The following MEGF9 variants were observed in gnomAD, a reference collection of about 807,000 sequenced individuals.
MEGF9 encodes the protein multiple EGF like domains 9.
In MEGF9, 6 loss-of-function variants were observed where a neutral mutation model predicts 46.8. The ratio of observed to expected loss-of-function variants is 0.13; its 90% CI spans 0.07 to 0.25. MEGF9 has a LOEUF of 0.25. Among genes scored for constraint, MEGF9 ranks in the 10% least tolerant of loss-of-function variants. The pLI, the probability that MEGF9 is intolerant of heterozygous loss-of-function variation, is 1.00. For missense variants in MEGF9, 683 were observed against 792.4 expected, an observed-to-expected ratio of 0.86 and a Z score of 1.66; for synonymous variants, 302 against 330.7, an observed-to-expected ratio of 0.91 and a Z score of 0.94.
At chr9:120,611,242 A>C (rs2043443493) in intron 4 of MEGF9, among the ~76,000 whole-genome samples, 1 of 152,218 alleles carries the variant, frequency 6.6e-6, no homozygotes, top group African/African-American at 2.4e-5. Context: ...TTCCACTCCT[A>C]GGTATACACT....
At chr9:120,656,568 G>C in intron 2 of MEGF9, among the ~76,000 whole-genome samples, 1 of 113,702 alleles carries the variant, frequency 8.8e-6, no homozygotes, top group East Asian at 2.7e-4. Flanking sequence ...AAAAAAAAAA[G>C]ATTAAATGAG....
At chr9:120,681,644 A>G (rs139199848) in intron 1 of MEGF9, among the ~76,000 whole-genome samples, 12 of 152,240 alleles carry the variant, frequency 7.9e-5, no homozygotes, top group Non-Finnish European at 1.3e-4. Context: ...TAAAATAATT[A>G]ACCAAGTACT....
intron 2 of MEGF9, among the ~76,000 whole-genome samples, chr9:120,635,367 G>A (rs1353304561): frequency 6.6e-6 from 1 of 152,114 alleles, no homozygotes; most frequent in Non-Finnish European, 1.5e-5. Context: ...TTCTCCACAC[G>A]CTTGGGAATT....
rs143072314 is a variant in MEGF9, at chr9:120,635,292, A to G, written c.804-12537T>C. 2.3e-3 allele frequency among the ~76,000 whole-genome samples: 353 copies of G among 152,268 alleles called. 1 individual carries two copies. The highest frequency in any genetic ancestry group is 7.8e-3 in the African/African-American group (324 of 41,554). The stretch of plus-strand genomic sequence containing the variant: ...ATAATCTGACTATTAAGTACCTTGG[A>G]TGGGATCTTTTTGTGTGAAATCTAT... On this transcript the variant is annotated intron_variant, in intron 2 of 5. Coordinates refer to ENST00000373930, the MANE Select transcript of MEGF9 (RefSeq NM_001080497.3).
At position 120,714,075 on chromosome 9, in the gene MEGF9, G is replaced by T; in HGVS notation, c.284C>A (p.Ser95Tyr). 7.9e-7 allele frequency: 1 copy of T among 1,273,578 alleles called. No individual in the cohort carries two copies. The highest frequency in any genetic ancestry group is 9.9e-7 in the Non-Finnish European group (1 of 1,008,946). 78.9% of individuals were successfully genotyped at this position (1,273,578 alleles called of 1,614,324 possible). The change falls in exon 1 of 6, where the codon TCT becomes TAT. Residue 95 changes from serine to tyrosine, a missense_variant. By Grantham distance (144) the Ser-to-Tyr change is moderately radical. This residue lies in a region of MEGF9 where 370 missense variants were observed against 371.3 expected (regional missense o/e 1.00). Coordinates refer to ENST00000373930, the MANE Select transcript of MEGF9 (RefSeq NM_001080497.3). ...GGTGGTCTCCGGGGACTGGGCTGGA[G>T]AAGTCGCAGCCAGGGGTCGGTGGAC... is the stretch of plus-strand genomic sequence containing the variant. ...ATVHRPLAAT[S>Y]PAQSPETTPL...
chr9:120,699,724 T>TAAAAAAA (rs60740438), intron 1 of MEGF9, among the ~76,000 whole-genome samples: 1 of 112,414 alleles, frequency 8.9e-6, no homozygotes, highest in African/African-American at 3.4e-5. Flanking sequence ...CCGTGTTTCT[T>TAAAAAAA]AAAAAAAAAA....
intron 1 of MEGF9, among the ~76,000 whole-genome samples, chr9:120,662,524 A>G (rs577848616): frequency 6.6e-5 from 10 of 152,362 alleles, no homozygotes; most frequent in Non-Finnish European, 1.2e-4. Flanking sequence ...TAGACGGCTA[A>G]GATTAAATCC....
At chr9:120,707,341 CAACAAAACCTGACCTGAGCAAATGCA>C (rs1554800231) in intron 1 of MEGF9, among the ~76,000 whole-genome samples, 1 of 152,162 alleles carries the variant, frequency 6.6e-6, no homozygotes, top group Non-Finnish European at 1.5e-5. Flanking sequence ...ATACATTTGG[CAACAAAACCTGACCTGAGCAAATGCA>C]AATAAAACCT....
chr9:120,629,748 A>G (rs942179214), intron 2 of MEGF9, among the ~76,000 whole-genome samples: 1 of 152,150 alleles, frequency 6.6e-6, no homozygotes, highest in African/African-American at 2.4e-5. Context: ...ATCCTGGACA[A>G]TATGGTGAAA....
chr9:120,656,494 C>T (rs561628200), intron 2 of MEGF9, among the ~76,000 whole-genome samples: 18 of 144,976 alleles, frequency 1.2e-4, no homozygotes, highest in Non-Finnish European at 2.2e-4. Context: ...TTGCAGTGAG[C>T]CAAGATCGTG....
At position 120,605,617 on chromosome 9, in the gene MEGF9, C is replaced by A. The variant is rs1221547080; in HGVS notation, c.1382G>T (p.Gly461Val). 2 of 1,578,596 alleles carry A rather than the reference C, an allele frequency of 1.3e-6. No individual in the cohort carries two copies. The highest frequency in any genetic ancestry group is 1.2e-5 in the South Asian group (1 of 86,870). ...KKEVILPTPE[G>V]STILVSNASL... ...GGCATTGGAAACCAAAATGGTAGAA[C>A]CTTCAGGTGTTGGAAGAATAACTTC... The change falls in exon 6 of 6, where the codon GGT becomes GTT. Residue 461 changes from glycine to valine, a missense_variant. Physicochemically the swap from Gly to Val is moderately radical, Grantham distance 109. Transcript: ENST00000373930. This position sits in a 1 kb window ranked among gnomAD's most constrained non-coding sequence, Gnocchi z 4.0.
intron 3 of MEGF9, among the ~76,000 whole-genome samples, chr9:120,618,546 A>G (rs1419982013): frequency 2.0e-5 from 3 of 152,184 alleles, no homozygotes; most frequent in African/African-American, 7.2e-5. Flanking sequence ...TTAATAAAGA[A>G]AATCTAGAAA....
intron 1 of MEGF9, among the ~76,000 whole-genome samples, chr9:120,709,708 T>C (rs1313961663): frequency 6.6e-6 from 1 of 152,210 alleles, no homozygotes; most frequent in African/African-American, 2.4e-5. Context: ...TAGGAGGTAG[T>C]GGCATTTAAA....
chr9:120,662,734 T>C (rs147285576), intron 1 of MEGF9, among the ~76,000 whole-genome samples: 1 of 152,324 alleles, frequency 6.6e-6, no homozygotes, highest in East Asian at 1.9e-4. Context: ...AAATAATAAA[T>C]GCAATTCAGA....
At chr9:120,619,886 T>A (rs1033797196) in intron 3 of MEGF9, among the ~76,000 whole-genome samples, 1 of 152,046 alleles carries the variant, frequency 6.6e-6, no homozygotes, top group South Asian at 2.1e-4. Flanking sequence ...AGCAAAACAG[T>A]AGAGGGGGTG....
At chr9:120,616,520 A>G (rs544077765) in intron 3 of MEGF9, among the ~76,000 whole-genome samples, 1 of 152,130 alleles carries the variant, frequency 6.6e-6, no homozygotes, top group East Asian at 1.9e-4. Context: ...TCTACTAAAA[A>G]TATAAAAAAT....
At chr9:120,654,437 A>C (rs951836731) in intron 2 of MEGF9, among the ~76,000 whole-genome samples, 1 of 152,162 alleles carries the variant, frequency 6.6e-6, no homozygotes, top group African/African-American at 2.4e-5. Context: ...GAAGCTGAAA[A>C]ATTCCGATCA....
intron 1 of MEGF9, among the ~76,000 whole-genome samples, chr9:120,685,822 T>C (rs1384830683): frequency 6.6e-6 from 1 of 152,204 alleles, no homozygotes; most frequent in African/African-American, 2.4e-5. Flanking sequence ...AAGCAACCCA[T>C]ATGTCTATTG....
At chr9:120,673,142 T>C (rs1464458756) in intron 1 of MEGF9, among the ~76,000 whole-genome samples, 1 of 152,094 alleles carries the variant, frequency 6.6e-6, no homozygotes, top group Non-Finnish European at 1.5e-5. Context: ...TTAGAATAGC[T>C]CCAAAAATAT....
Sources: allele counts gnomAD v4.1 joint callset (sites outside exome capture counted in the v4.1 genomes callset), GRCh38; gene constraint gnomAD v4.1.1; regional missense constraint gnomAD v4.1.1; non-coding constraint Gnocchi (gnomAD v3.1); transcripts MANE v1.5; gene names NCBI Gene and HGNC (gene_info 2026-07-23, HGNC 2026-07-21).